Variants in ARK2N observed in about 807,000 individuals in gnomAD.
ARK2N encodes protein ARK2N.
the ARK2N span, among the ~76,000 whole-genome samples, chr18:46,221,192 C>T: frequency 5.3e-5 from 8 of 151,708 alleles, no homozygotes; most frequent in Admixed American, 1.3e-4. Context: ...CTTGAGTGTT[C>T]ATGCATTGTA....
At chr18:46,235,957 G>T in the ARK2N span, among the ~76,000 whole-genome samples, 2 of 152,170 alleles carry the variant, frequency 1.3e-5, no homozygotes, top group Non-Finnish European at 1.5e-5. Context: ...CAACGAAGAA[G>T]GCTTAAGGTC....
At chr18:46,263,265 C>T in the ARK2N span, 1 of 708,614 alleles carries the variant, frequency 1.4e-6, no homozygotes, top group Non-Finnish European at 2.2e-6. Context: ...CCTCCTCTTC[C>T]CCCCTTTTTT....
chr18:46,177,383 C>A, the ARK2N span, among the ~76,000 whole-genome samples: 1 of 150,732 alleles, frequency 6.6e-6, no homozygotes, highest in Non-Finnish European at 1.5e-5. Context: ...TAGTGAGAGC[C>A]CCTTTCTTTT....
the ARK2N span, among the ~76,000 whole-genome samples, chr18:46,253,132 A>G: frequency 5.9e-5 from 9 of 152,196 alleles, no homozygotes; most frequent in Non-Finnish European, 1.0e-4. Context: ...TGTCAAATCT[A>G]TGTTTCTTTA....
At chr18:46,255,613 C>T in the ARK2N span, among the ~76,000 whole-genome samples, 288 of 151,550 alleles carry the variant, frequency 1.9e-3, 2 homozygotes, top group Middle Eastern at 0.021. Context: ...CACCACGCTC[C>T]GCTAATTTTG....
chr18:46,213,777 A>C, the ARK2N span, among the ~76,000 whole-genome samples: 1 of 152,006 alleles, frequency 6.6e-6, no homozygotes, highest in Admixed American at 6.6e-5. Context: ...GCTCACTGCA[A>C]CCTCCGCCTC....
At chr18:46,237,388 CT>C in the ARK2N span, among the ~76,000 whole-genome samples, 78,478 of 127,750 alleles carry the variant, frequency 0.61, 23,115 homozygotes, top group Non-Finnish European at 0.69. Flanking sequence ...AGGCCAAGTG[CT>C]TTTTTTTTTT....
chr18:46,244,759 G>C, the ARK2N span, among the ~76,000 whole-genome samples: 3 of 151,652 alleles, frequency 2.0e-5, no homozygotes, highest in African/African-American at 7.3e-5. Context: ...GTGCCACTGC[G>C]CCTGGCTAAT....
the ARK2N span, among the ~76,000 whole-genome samples, chr18:46,250,582 G>A: frequency 6.7e-6 from 1 of 150,288 alleles, no homozygotes; most frequent in African/African-American, 2.4e-5. Context: ...AGCTGCAGCA[G>A]TCTAACTGGT....
the ARK2N span, among the ~76,000 whole-genome samples, chr18:46,238,558 T>C: frequency 2.0e-5 from 3 of 152,202 alleles, no homozygotes; most frequent in Non-Finnish European, 1.5e-5. Flanking sequence ...TCATTGAACT[T>C]GATTTACCCC....
the ARK2N span, among the ~76,000 whole-genome samples, chr18:46,213,166 T>A: frequency 4.0e-5 from 6 of 151,780 alleles, no homozygotes; most frequent in Admixed American, 1.3e-4. Flanking sequence ...CACGCCTGGC[T>A]AATTTTTGTA....
chr18:46,263,049 T>C, the ARK2N span: 2 of 1,614,176 alleles, frequency 1.2e-6, no homozygotes, highest in Non-Finnish European at 1.7e-6. Context: ...CCCAGCAGAC[T>C]TGGGCTTCAC....
At chr18:46,191,543 G>A in the ARK2N span, among the ~76,000 whole-genome samples, 61 of 152,176 alleles carry the variant, frequency 4.0e-4, no homozygotes, top group African/African-American at 1.3e-3. Flanking sequence ...TGATTAATAC[G>A]GAGAGTCTAT....
chr18:46,192,983 G>C, the ARK2N span, among the ~76,000 whole-genome samples: 1 of 151,684 alleles, frequency 6.6e-6, no homozygotes, highest in African/African-American at 2.4e-5. Flanking sequence ...GATTACCTTA[G>C]GTCAGAAGTT....
At chr18:46,258,782 A>G in the ARK2N span, among the ~76,000 whole-genome samples, 7 of 152,220 alleles carry the variant, frequency 4.6e-5, no homozygotes, top group Non-Finnish European at 8.8e-5. Context: ...CAGAAAAAGC[A>G]TATGTGATAA....
chr18:46,221,591 C>G, the ARK2N span, among the ~76,000 whole-genome samples: 1 of 148,106 alleles, frequency 6.8e-6, no homozygotes, highest in African/African-American at 2.5e-5. Flanking sequence ...TGTTAATTTG[C>G]ATTTCTTTGA....
At chr18:46,200,198 A>G in the ARK2N span, among the ~76,000 whole-genome samples, 3 of 152,096 alleles carry the variant, frequency 2.0e-5, no homozygotes, top group South Asian at 6.2e-4. Flanking sequence ...TTTGCTATCT[A>G]TCTAATCAAT....
chr18:46,186,566 G>A, the ARK2N span, among the ~76,000 whole-genome samples: 2 of 146,422 alleles, frequency 1.4e-5, no homozygotes, highest in African/African-American at 5.1e-5. Flanking sequence ...GTGCAGTGGC[G>A]GGATCTCGGC....
the ARK2N span, chr18:46,263,939 G>A: frequency 5.3e-5 from 8 of 152,376 alleles, no homozygotes; most frequent in Admixed American, 1.3e-4. Flanking sequence ...GTCAAATAAC[G>A]GGTGAACATA....
Sources: gnomAD v4.1 joint callset for allele counts (sites outside exome capture counted in the v4.1 genomes callset) on GRCh38, gnomAD v4.1.1 for gene constraint, MANE v1.5 for transcripts, NCBI Gene and HGNC (gene_info 2026-07-23, HGNC 2026-07-21) for gene names.